Variants in CDH12 observed in about 807,000 individuals in gnomAD.
CDH12 encodes the protein cadherin 12.
Under a neutral mutation model 74.1 loss-of-function variants are expected in CDH12, and 41 were observed. That is an observed-to-expected ratio of 0.55 (90% CI 0.43 to 0.72). The LOEUF (loss-of-function observed/expected upper bound fraction) is 0.72. CDH12 is among the 30% of genes least tolerant of loss of function. The pLI, the probability that CDH12 is intolerant of heterozygous loss-of-function variation, is 0.00. For synonymous variants in CDH12, 399 were observed against 355.0 expected (o/e 1.12, Z -1.39); for missense variants, 945 against 977.2 (o/e 0.97, Z 0.44).
intron 1 of CDH12, among the ~76,000 whole-genome samples, chr5:22,836,487 C>G (rs1745870319): frequency 1.3e-5 from 2 of 152,042 alleles, no homozygotes; most frequent in South Asian, 4.2e-4. Flanking sequence ...CCTCGGCCTT[C>G]CAAAGTGCTG....
chr5:22,222,873 T>A (rs1328272235), intron 3 of CDH12, among the ~76,000 whole-genome samples: 2 of 151,964 alleles, frequency 1.3e-5, no homozygotes, highest in African/African-American at 4.8e-5. Context: ...AAAATTCCAA[T>A]AAGAACAAGA....
At chr5:22,302,833 A>T (rs575967140) in intron 3 of CDH12, among the ~76,000 whole-genome samples, 72 of 152,130 alleles carry the variant, frequency 4.7e-4, no homozygotes, top group Non-Finnish European at 7.8e-4. Flanking sequence ...TAAGTGCACT[A>T]GGAACGTAAA....
chr5:21,797,018 C>T (rs1034906881), intron 10 of CDH12, among the ~76,000 whole-genome samples: 4 of 151,986 alleles, frequency 2.6e-5, no homozygotes, highest in Admixed American at 2.0e-4. Flanking sequence ...CATCAAAAGG[C>T]GAAGGCTAGA....
rs1746027951 is a variant in CDH12 at position 21,783,451 on chromosome 5, T to C, written c.1300A>G (p.Ile434Val). 6.2e-7 allele frequency: 1 copy of C among 1,607,370 alleles called. No homozygotes were observed. The change falls in exon 11 of 15, where the codon ATA becomes GTA. Residue 434 changes from isoleucine to valine, a missense_variant. Transcript: ENST00000382254. ...WKSDGDSYFT[I>V]DGNEGTIATN... ...GCGATGGTTCCTTCATTTCCATCTA[T>C]TGTAAAGTAGCTGTCCCCATCACTC... is the stretch of plus-strand genomic sequence containing the variant.
chr5:22,661,894 T>A (rs560757206), intron 1 of CDH12, among the ~76,000 whole-genome samples: 1 of 152,252 alleles, frequency 6.6e-6, no homozygotes, highest in African/African-American at 2.4e-5. Flanking sequence ...TGTATACAAA[T>A]AAGAAATAAG....
chr5:22,821,093 T>A (rs960284032), intron 1 of CDH12, among the ~76,000 whole-genome samples: 3 of 152,128 alleles, frequency 2.0e-5, no homozygotes, highest in East Asian at 1.9e-4. Flanking sequence ...CGCAAATCAA[T>A]AAATGTAATC....
At chr5:22,079,001 C>T (rs73068919) in intron 4 of CDH12, 139 bp from the exon 5 acceptor site, 53,803 of 227,244 alleles carry the variant, frequency 0.24, 6,610 homozygotes, top group African/African-American at 0.3. Flanking sequence ...AAACGGTCAC[C>T]GCTATTCAAC....
intron 1 of CDH12, among the ~76,000 whole-genome samples, chr5:22,608,640 C>T (rs1737236602): frequency 6.6e-6 from 1 of 152,080 alleles, no homozygotes; most frequent in Admixed American, 6.5e-5. Flanking sequence ...TGTGTCCCCA[C>T]ACAAATCTCA....
At chr5:22,431,602 C>T (rs1352204599) in intron 2 of CDH12, among the ~76,000 whole-genome samples, 3 of 152,176 alleles carry the variant, frequency 2.0e-5, no homozygotes, top group Admixed American at 2.0e-4. Flanking sequence ...AGGACATATT[C>T]CACAAGAAGG....
chr5:21,880,228 G>A (rs533642278), intron 6 of CDH12, among the ~76,000 whole-genome samples: 34 of 152,272 alleles, frequency 2.2e-4, no homozygotes, highest in African/African-American at 8.2e-4. Flanking sequence ...GAGTACCTAT[G>A]GCTCAAACAA....
intron 6 of CDH12, among the ~76,000 whole-genome samples, chr5:21,920,228 T>C (rs1579962461): frequency 6.6e-6 from 1 of 152,184 alleles, no homozygotes; most frequent in South Asian, 2.1e-4. Flanking sequence ...AGCAGACAGA[T>C]ACCCCAACCT....
At chr5:21,847,509 C>A (rs945664477) in intron 7 of CDH12, among the ~76,000 whole-genome samples, 1 of 152,038 alleles carries the variant, frequency 6.6e-6, no homozygotes. Context: ...TGGCAGCACT[C>A]CCTGGCTCCT....
intron 4 of CDH12, among the ~76,000 whole-genome samples, chr5:22,174,361 G>A (rs1749212735): frequency 6.6e-6 from 1 of 151,852 alleles, no homozygotes; most frequent in Admixed American, 6.6e-5. Flanking sequence ...TAAAATTAAA[G>A]CAAAAACAGT....
At chr5:21,776,506 T>C (rs1264290247) in intron 11 of CDH12, among the ~76,000 whole-genome samples, 1 of 152,166 alleles carries the variant, frequency 6.6e-6, no homozygotes, top group Admixed American at 6.5e-5. Flanking sequence ...CCTGAGAACA[T>C]CTTTCAAAGA....
intron 1 of CDH12, among the ~76,000 whole-genome samples, chr5:22,574,917 A>G (rs1436772051): frequency 6.6e-6 from 1 of 152,184 alleles, no homozygotes; most frequent in Non-Finnish European, 1.5e-5. Flanking sequence ...CCAATATGTG[A>G]AAGTGTGTTT....
intron 5 of CDH12, among the ~76,000 whole-genome samples, chr5:22,054,242 C>T (rs539111296): frequency 2.1e-4 from 32 of 152,136 alleles, no homozygotes; most frequent in Non-Finnish European, 3.8e-4. Flanking sequence ...ATCACCTCCT[C>T]TTAACTTCTT....
chr5:22,475,612 A>G (rs1246141265), intron 2 of CDH12, among the ~76,000 whole-genome samples: 1 of 152,076 alleles, frequency 6.6e-6, no homozygotes, highest in Non-Finnish European at 1.5e-5. Context: ...AATCTATTAC[A>G]TTATATAAAA....
chr5:22,157,544 A>G (rs1748095356), intron 4 of CDH12, among the ~76,000 whole-genome samples: 1 of 152,072 alleles, frequency 6.6e-6, no homozygotes, highest in Non-Finnish European at 1.5e-5. Flanking sequence ...GCTAACAAAA[A>G]TATACAAGAA....
intron 4 of CDH12, among the ~76,000 whole-genome samples, chr5:22,135,216 A>AT (rs1746389741): frequency 1.3e-5 from 2 of 151,268 alleles, no homozygotes; most frequent in African/African-American, 4.8e-5. Flanking sequence ...AAGCAAAAAA[A>AT]AAAAAAAAAG....
Sources: allele counts gnomAD v4.1 joint callset (sites outside exome capture counted in the v4.1 genomes callset), GRCh38; gene constraint gnomAD v4.1.1; transcripts MANE v1.5; gene names NCBI Gene and HGNC (gene_info 2026-07-23, HGNC 2026-07-21).